ATP11C: variants seen among roughly 807,000 people sequenced by gnomAD.
The protein encoded by ATP11C is phospholipid-transporting ATPase IG.
ATP11C carries 36 observed loss-of-function variants against 97.4 expected under a neutral mutation model. The observed-to-expected ratio is 0.37, with a 90% CI of 0.28 to 0.49. ATP11C has a LOEUF of 0.49. ATP11C is among the 20% of genes least tolerant of loss of function. ATP11C has a pLI of 0.98. For missense variants in ATP11C, 730 were observed against 824.6 expected, an observed-to-expected ratio of 0.89 and a Z score of 1.40; for synonymous variants, 275 against 290.9, an observed-to-expected ratio of 0.95 and a Z score of 0.56.
intron 1 of ATP11C, among the ~76,000 whole-genome samples, chrX:139,866,343 C>CAAAA (rs57250412): frequency 7.3e-5 from 2 of 27,546 alleles, no homozygotes; most frequent in African/African-American, 1.6e-4. Context: ...GACTCTGTCT[C>CAAAA]AAAAAAAAAA....
intron 1 of ATP11C, among the ~76,000 whole-genome samples, chrX:139,904,864 G>A (rs1258948780): frequency 8.9e-6 from 1 of 112,155 alleles, no homozygotes; most frequent in Non-Finnish European, 1.9e-5. Flanking sequence ...TACTGTTGCA[G>A]GCAGGCATGC....
intron 14 of ATP11C, 34 bp downstream of exon 14, chrX:139,788,158 T>C: frequency 8.7e-7 from 1 of 1,144,852 alleles, no homozygotes; most frequent in Non-Finnish European, 1.2e-6. Context: ...GTGATTTCAC[T>C]TTCTTAGGAG....
chrX:139,780,030 A>G (rs1459346777), intron 18 of ATP11C, among the ~76,000 whole-genome samples: 1 of 111,206 alleles, frequency 9.0e-6, no homozygotes, highest in Non-Finnish European at 1.9e-5. Flanking sequence ...ACCCTAAACA[A>G]GCTATGAAAC....
At chrX:139,786,314 G>T (rs2082572571) in intron 15 of ATP11C, among the ~76,000 whole-genome samples, 1 of 111,481 alleles carries the variant, frequency 9.0e-6, no homozygotes, top group African/African-American at 3.3e-5. Flanking sequence ...GGGAGTGAGG[G>T]GGTCATTAGT....
rs1288797480 is a variant in ATP11C, at chrX:139,917,563, T to C, written c.27+14453A>G. On this transcript the variant is annotated intron_variant, in intron 1 of 29. Coordinates refer to ENST00000682941, the MANE Select transcript of ATP11C (RefSeq NM_001353812.2). Reference sequence around the variant, plus strand: ...GGTAGACATTTCTCAAAAGATGACATACAAATGGCCAAAAAACATAGGAAA... The same window carrying C: ...GGTAGACATTTCTCAAAAGATGACACACAAATGGCCAAAAAACATAGGAAA... 8.1e-5 allele frequency among the ~76,000 whole-genome samples: 9 copies of C among 111,520 alleles called. No homozygotes were observed. In the Admixed American group the frequency reaches 8.6e-4, roughly 11 times the overall value.
intron 5 of ATP11C, 126 bp from the exon 6 acceptor site, chrX:139,804,725 C>A: frequency 2.1e-6 from 1 of 470,596 alleles, no homozygotes; most frequent in Non-Finnish European, 3.4e-6. Flanking sequence ...ATCTCAGCAT[C>A]CTACATCATG....
chrX:139,768,284 C>G lies in ATP11C; in HGVS notation c.2367G>C (p.Arg789=). Residue 789 remains arginine (R), a synonymous_variant, in exon 20 of 30, where the codon CGG becomes CGC. Coordinates refer to ENST00000682941, the MANE Select transcript of ATP11C (RefSeq NM_001353812.2). ...CCTGGGCTTTCTGTAATGGTGCCAT[C>G]CGACAGCAGAGCACTGCAGTACACT... ...CMKCTAVLCC[R]MAPLQKAQIV... is the part of the protein sequence containing the mutation. The G allele has an allele frequency of 8.9e-7, 1 of 1,118,195 alleles. No homozygotes were observed. The highest frequency in any genetic ancestry group is 2.5e-4 in the Middle Eastern group (1 of 3,977). 92.2% of individuals were successfully genotyped at this position (1,118,195 alleles called of 1,213,427 possible).
intron 5 of ATP11C, among the ~76,000 whole-genome samples, chrX:139,814,153 A>G (rs2083235124): frequency 9.0e-6 from 1 of 111,356 alleles, no homozygotes; most frequent in African/African-American, 3.3e-5. Flanking sequence ...TTAGTGTTTG[A>G]CATGGACAAG....
intron 1 of ATP11C, among the ~76,000 whole-genome samples, chrX:139,831,000 C>T (rs1485419702): frequency 9.0e-6 from 1 of 111,042 alleles, no homozygotes; most frequent in African/African-American, 3.3e-5. Flanking sequence ...ACAATGTATT[C>T]GGTGGTCAAA....
chrX:139,902,199 C>T (rs1474844969), intron 1 of ATP11C, among the ~76,000 whole-genome samples: 2 of 111,236 alleles, frequency 1.8e-5, no homozygotes, highest in Non-Finnish European at 3.8e-5. Flanking sequence ...CTCCCAGCTT[C>T]AAGTTGTCCC....
In ATP11C at chrX:139,799,941, C is replaced by T. The variant is rs187594319; in HGVS notation, c.710+119G>A. On this transcript the variant is annotated intron_variant, in intron 8 of 29. Coordinates refer to ENST00000682941, the MANE Select transcript of ATP11C (RefSeq NM_001353812.2). ...TGCTGGGATTACAGGCGTGAGCTAC[C>T]GCACCCGGCCTATATTCCTTTCTAT... The T allele has an allele frequency of 5.6e-5, 35 of 627,259 alleles. No individual in the cohort carries two copies. The East Asian group carries it at 6.5e-4, about 12-fold the overall frequency. 51.7% of individuals were successfully genotyped at this position (627,259 alleles called of 1,213,427 possible). A position where few individuals can be genotyped will look rare whatever the true frequency, so the allele number is the denominator to read the frequency against.
chrX:139,817,692 T>G (rs776976829), intron 3 of ATP11C, among the ~76,000 whole-genome samples: 1 of 112,328 alleles, frequency 8.9e-6, no homozygotes. Context: ...TAGGAGGCTA[T>G]TGCTGTAATC....
intron 29 of ATP11C, 96 bp from the exon 30 acceptor site, chrX:139,729,058 T>A (rs776172477): frequency 2.0e-4 from 138 of 676,194 alleles, no homozygotes; most frequent in Non-Finnish European, 3.0e-4. Context: ...AATTTTGTTA[T>A]GAGAGTAAAG....
chrX:139,828,577 T>C (rs1226342666), intron 1 of ATP11C, among the ~76,000 whole-genome samples: 1 of 111,958 alleles, frequency 8.9e-6, no homozygotes. Flanking sequence ...TTACAGAAAA[T>C]GCCAAGTCCA....
intron 1 of ATP11C, among the ~76,000 whole-genome samples, chrX:139,874,209 A>ATTTTTTTT (rs140962708): frequency 4.9e-5 from 4 of 82,015 alleles, no homozygotes; most frequent in African/African-American, 1.1e-4. Flanking sequence ...TGCCTGGCTA[A>ATTTTTTTT]TTTTTTTTTT....
chrX:139,742,255 T>G (rs1256878653), intron 26 of ATP11C, among the ~76,000 whole-genome samples: 1 of 111,661 alleles, frequency 9.0e-6, no homozygotes, highest in African/African-American at 3.3e-5. Flanking sequence ...AGTGCTTTAT[T>G]CACTAATTGA....
intron 3 of ATP11C, among the ~76,000 whole-genome samples, chrX:139,817,211 C>T (rs554122982): frequency 4.5e-5 from 5 of 112,355 alleles, no homozygotes; most frequent in East Asian, 2.8e-4. Flanking sequence ...TTGCTGAGCA[C>T]CATTCTGTCA....
chrX:139,833,330 TAGA>T (rs1448253919), intron 1 of ATP11C, among the ~76,000 whole-genome samples: 2 of 111,181 alleles, frequency 1.8e-5, no homozygotes, highest in Non-Finnish European at 3.8e-5. Context: ...ACAAAAGAGG[TAGA>T]TAAAAAGCAA....
At chrX:139,759,166 G>A (rs2081990967) in intron 22 of ATP11C, among the ~76,000 whole-genome samples, 1 of 111,597 alleles carries the variant, frequency 9.0e-6, no homozygotes, top group Non-Finnish European at 1.9e-5. Flanking sequence ...GGGGATCATG[G>A]GGATGCTCCA....
Sources: gnomAD v4.1 joint callset for allele counts (sites outside exome capture counted in the v4.1 genomes callset) on GRCh38, gnomAD v4.1.1 for gene constraint, MANE v1.5 for transcripts, NCBI Gene and HGNC (gene_info 2026-07-23, HGNC 2026-07-21) for gene names.